The following POU2F1 variants were observed in gnomAD, a reference collection of about 807,000 sequenced individuals.
POU2F1 encodes the protein POU class 2 homeobox 1, also known as POU domain, class 2, transcription factor 1.
A neutral mutation model predicts 84.9 loss-of-function variants in POU2F1; 16 were observed. That is an observed-to-expected ratio of 0.19 (90% CI 0.13 to 0.29). The LOEUF (loss-of-function observed/expected upper bound fraction) is 0.29, where lower values mean the gene tolerates loss of function less well. Among genes scored for constraint, POU2F1 ranks in the 10% least tolerant of loss-of-function variants. The pLI, the probability that POU2F1 is intolerant of heterozygous loss-of-function variation, is 1.00. For missense variants in POU2F1, 738 were observed against 942.6 expected (o/e 0.78, Z 2.84); for synonymous variants, 368 against 368.3 (o/e 1.00, Z 0.01).
At chr1:167,396,258 C>G in intron 9 of POU2F1, 28 bp from the exon 10 acceptor site, 1 of 1,610,992 alleles carries the variant, frequency 6.2e-7, no homozygotes, top group Admixed American at 1.7e-5. Context: ...CTTTCCTCTC[C>G]TCTTCTCCTG....
intron 1 of POU2F1, among the ~76,000 whole-genome samples, chr1:167,225,717 AT>A (rs1302403049): frequency 1.3e-5 from 2 of 152,212 alleles, no homozygotes; most frequent in Admixed American, 6.5e-5. Context: ...TTCATCTTGA[AT>A]TTATTTGTGT....
intron 1 of POU2F1, among the ~76,000 whole-genome samples, chr1:167,325,762 G>A (rs373994771): frequency 6.6e-6 from 1 of 151,798 alleles, no homozygotes; most frequent in Non-Finnish European, 1.5e-5. Flanking sequence ...GGTGGCAGGC[G>A]CCTGTAATCC....
At chr1:167,293,414 TA>T (rs1486030383) in intron 1 of POU2F1, among the ~76,000 whole-genome samples, 1 of 152,146 alleles carries the variant, frequency 6.6e-6, no homozygotes. Context: ...GGAATATACT[TA>T]ACCAAGGAGG....
At chr1:167,296,521 T>TC (rs1368445970) in intron 1 of POU2F1, among the ~76,000 whole-genome samples, 2 of 152,160 alleles carry the variant, frequency 1.3e-5, no homozygotes, top group Non-Finnish European at 2.9e-5. Flanking sequence ...AGCGTTGCAC[T>TC]CCATTATTTA....
chr1:167,351,743 G>A (rs957661297), intron 2 of POU2F1, among the ~76,000 whole-genome samples: 1 of 152,006 alleles, frequency 6.6e-6, no homozygotes, highest in African/African-American at 2.4e-5. Flanking sequence ...GAGCTAGAGA[G>A]GAGGGTGAAG....
At chr1:167,328,920 C>A in intron 1 of POU2F1, 1 of 518,350 alleles carries the variant, frequency 1.9e-6, no homozygotes, top group Non-Finnish European at 2.5e-6. Flanking sequence ...CACGCGCATA[C>A]TGATTAAGCT....
At chr1:167,222,582 C>G (rs1201537835) in intron 1 of POU2F1, among the ~76,000 whole-genome samples, 1 of 152,062 alleles carries the variant, frequency 6.6e-6, no homozygotes, top group African/African-American at 2.4e-5. Flanking sequence ...TAGCAGTTGC[C>G]TAGGCCTCAT....
At chr1:167,384,024 T>A (rs1647771726) in intron 8 of POU2F1, 73 bp downstream of exon 8, 1 of 1,267,180 alleles carries the variant, frequency 7.9e-7, no homozygotes, top group Non-Finnish European at 1.1e-6. Flanking sequence ...TTATTTAATT[T>A]TTTTTTTAAA....
At chr1:167,325,513 G>A (rs1201644096) in intron 1 of POU2F1, among the ~76,000 whole-genome samples, 1 of 152,164 alleles carries the variant, frequency 6.6e-6, no homozygotes, top group Non-Finnish European at 1.5e-5. Flanking sequence ...ACACTAGTTT[G>A]TGATTTAGTT....
chr1:167,265,332 C>G (rs187155261), intron 1 of POU2F1, among the ~76,000 whole-genome samples: 1 of 152,274 alleles, frequency 6.6e-6, no homozygotes, highest in Admixed American at 6.5e-5. Context: ...GGACAGTTCA[C>G]AATGATAAGA....
At chr1:167,279,748 A>T (rs1330880778) in intron 1 of POU2F1, among the ~76,000 whole-genome samples, 1 of 152,120 alleles carries the variant, frequency 6.6e-6, no homozygotes, top group Non-Finnish European at 1.5e-5. Flanking sequence ...GAGGGAATAA[A>T]TATTGATGGG....
intron 2 of POU2F1, among the ~76,000 whole-genome samples, chr1:167,360,863 A>T (rs1557925862): frequency 6.6e-6 from 1 of 151,886 alleles, no homozygotes; most frequent in Non-Finnish European, 1.5e-5. Context: ...GTCGTCTGTG[A>T]TTTCTTTTAA....
chr1:167,290,850 A>T (rs1557872019), intron 1 of POU2F1, among the ~76,000 whole-genome samples: 1 of 152,182 alleles, frequency 6.6e-6, no homozygotes, highest in Non-Finnish European at 1.5e-5. Flanking sequence ...AAACTAGGCT[A>T]GTGAACGTAG....
intron 1 of POU2F1, among the ~76,000 whole-genome samples, chr1:167,282,829 G>C (rs1172904568): frequency 6.6e-6 from 1 of 152,222 alleles, no homozygotes; most frequent in East Asian, 1.9e-4. Context: ...TGCAGAGCTT[G>C]CTCCAGAGGC....
At chr1:167,389,185 A>G (rs1352921154) in intron 8 of POU2F1, among the ~76,000 whole-genome samples, 1 of 152,238 alleles carries the variant, frequency 6.6e-6, no homozygotes, top group African/African-American at 2.4e-5. Context: ...TTGGAGATGT[A>G]ATAGTGGTAA....
At chr1:167,342,849 T>C (rs1657950786) in intron 2 of POU2F1, among the ~76,000 whole-genome samples, 1 of 152,200 alleles carries the variant, frequency 6.6e-6, no homozygotes, top group South Asian at 2.1e-4. Flanking sequence ...GCCAAGCTGC[T>C]CTTATAAGCC....
intron 1 of POU2F1, among the ~76,000 whole-genome samples, chr1:167,330,254 A>G (rs1486619022): frequency 6.6e-6 from 1 of 152,176 alleles, no homozygotes; most frequent in East Asian, 1.9e-4. Flanking sequence ...CTGCACTTGA[A>G]AATTAAAGCT....
chr1:167,396,228 C>T, intron 9 of POU2F1, 58 bp from the exon 10 acceptor site: 2 of 1,589,534 alleles, frequency 1.3e-6, no homozygotes, highest in South Asian at 2.3e-5. Flanking sequence ...AGGCTTTAAG[C>T]ACTGGTGAGA....
intron 1 of POU2F1, among the ~76,000 whole-genome samples, chr1:167,253,391 A>G (rs1315914815): frequency 9.7e-6 from 1 of 103,394 alleles, no homozygotes; most frequent in African/African-American, 5.6e-5. Context: ...CCCCCCCCCA[A>G]ACACACAGGA....
Sources: allele counts gnomAD v4.1 joint callset (sites outside exome capture counted in the v4.1 genomes callset), GRCh38; gene constraint gnomAD v4.1.1; transcripts MANE v1.5; gene names NCBI Gene and HGNC (gene_info 2026-07-23, HGNC 2026-07-21).